The following ARIH1 variants were observed in gnomAD, a reference collection of about 807,000 sequenced individuals.
ARIH1 encodes E3 ubiquitin-protein ligase ARIH1.
ARIH1 carries 8 observed loss-of-function variants against 85.0 expected under a neutral mutation model. That is an observed-to-expected ratio of 0.09 (90% CI 0.06 to 0.17). The LOEUF (loss-of-function observed/expected upper bound fraction) is 0.17. Among genes scored for constraint, ARIH1 ranks in the 10% least tolerant of loss-of-function variants. The pLI, the probability that ARIH1 is intolerant of heterozygous loss-of-function variation, is 1.00. For synonymous variants in ARIH1, 238 were observed against 253.6 expected (o/e 0.94, Z 0.59); for missense variants, 311 against 718.1 (o/e 0.43, Z 6.48).
Position 72,589,471 on chromosome 15 carries a change from T to C in ARIH1, c.*6179T>C, listed in dbSNP as rs1437623025. The stretch of plus-strand genomic sequence containing the variant: ...AAACCATTTTGGACCCCTAAAGTGG[T>C]ATTGTCTACTATCTGTACATCATTC... On this transcript the variant is annotated 3_prime_UTR_variant, in exon 14 of 14. Transcript: ENST00000379887. The C allele has an allele frequency of 6.6e-6, 1 of 152,186 alleles. No homozygotes were observed. Among genetic ancestry groups the C allele is most frequent in the Non-Finnish European group, 1.5e-5 (1 of 68,048 alleles). 9.4% of individuals were successfully genotyped at this position (152,186 alleles called of 1,614,324 possible). A position where few individuals can be genotyped will look rare whatever the true frequency, so the allele number is the denominator to read the frequency against.
intron 2 of ARIH1, among the ~76,000 whole-genome samples, chr15:72,534,297 A>T (rs919815261): frequency 6.8e-6 from 1 of 146,008 alleles, no homozygotes; most frequent in East Asian, 2.0e-4. Flanking sequence ...TGTAATTATT[A>T]AAAAAAAAAA....
At chr15:72,571,805 A>ATAGG (rs1401483040) in intron 10 of ARIH1, among the ~76,000 whole-genome samples, 1 of 152,170 alleles carries the variant, frequency 6.6e-6, no homozygotes, top group African/African-American at 2.4e-5. Context: ...TCTAATAATG[A>ATAGG]TAGGTGAGCT....
rs2063932497 is a variant in ARIH1 at position 72,507,714 on chromosome 15, G to A, written c.376-10353G>A. Reference sequence around the variant, plus strand: ...ATAACAGTCAATTAAGAGCTTATGTGCTACTAAAATTGAGAACTACTTGAT... The same window carrying A: ...ATAACAGTCAATTAAGAGCTTATGTACTACTAAAATTGAGAACTACTTGAT... On this transcript the variant is annotated intron_variant, in intron 1 of 13. Coordinates refer to ENST00000379887, the MANE Select transcript of ARIH1 (RefSeq NM_005744.5). Among the ~76,000 whole-genome samples the A allele has an allele frequency of 3.3e-5, 5 of 152,150 alleles. No individual in the cohort carries two copies. In the South Asian group the frequency reaches 1.0e-3, roughly 32 times the overall value.
At chr15:72,572,225 C>T in intron 11 of ARIH1, 60 bp downstream of exon 11, 1 of 1,032,002 alleles carries the variant, frequency 9.7e-7, no homozygotes, top group Non-Finnish European at 1.5e-6. Context: ...TATTCATATT[C>T]ATTAGAGAAT....
At chr15:72,489,530 T>G (rs2706452) in intron 1 of ARIH1, among the ~76,000 whole-genome samples, 149,653 of 152,284 alleles carry the variant, frequency 0.98, 73,582 homozygotes, top group East Asian at 1. Context: ...CCTAAATGAA[T>G]AAGTAAAAAT....
chr15:72,583,204 A>G lies in ARIH1; in HGVS notation c.1590-4A>G, dbSNP rs1405553882. The G allele has an allele frequency of 3.8e-6, 6 of 1,591,034 alleles. No individual in the cohort carries two copies. Among genetic ancestry groups the G allele is most frequent in the Non-Finnish European group, 5.1e-6 (6 of 1,168,224 alleles). On this transcript the variant is annotated splice_polypyrimidine_tract_variant and splice_region_variant and intron_variant, in intron 13 of 13. Coordinates refer to ENST00000379887, the MANE Select transcript of ARIH1 (RefSeq NM_005744.5). ...AGTTTTTTTTTTTTTCTCTTTGATT[A>G]CAGATACTGTGAGAGTCGACGAAGG...
chr15:72,552,392 A>G (rs935562638), intron 3 of ARIH1, among the ~76,000 whole-genome samples: 1 of 152,006 alleles, frequency 6.6e-6, no homozygotes, highest in African/African-American at 2.4e-5. Context: ...GGTTGAAGGG[A>G]TTCTTCTGCC....
intron 1 of ARIH1, among the ~76,000 whole-genome samples, 198 bp from the exon 2 acceptor site, chr15:72,517,869 C>T (rs984259058): frequency 6.6e-6 from 1 of 152,050 alleles, no homozygotes; most frequent in Non-Finnish European, 1.5e-5. Context: ...AGAAACCTGA[C>T]ATAGTAGTGT....
At position 72,474,673 on chromosome 15, in the gene ARIH1, G is replaced by C; in HGVS notation, c.34G>C (p.Asp12His). The C allele has an allele frequency of 3.8e-6, 6 of 1,565,526 alleles. No homozygotes were observed. Among genetic ancestry groups the C allele is most frequent in the Non-Finnish European group, 4.3e-6 (5 of 1,157,588 alleles). The part of the protein sequence containing the change: ...DSDEGYNYEF[D>H]EDEECSEEDS... The stretch of plus-strand genomic sequence containing the variant: ...GGACGAGGGCTACAACTACGAGTTC[G>C]ACGAGGACGAGGAGTGCAGTGAGGA... The change falls in exon 1 of 14, where the codon GAC becomes CAC. Residue 12 changes from aspartate (D) to histidine (H), a missense_variant. By Grantham distance (81) the Asp-to-His change is moderately conservative. Around this residue, in one of 3 missense-constraint regions of ARIH1, gnomAD observed 157 missense variants for 185.1 expected, o/e 0.85. Transcript: ENST00000379887.
intron 11 of ARIH1, among the ~76,000 whole-genome samples, chr15:72,578,316 ACATCTTCAGTGGTG>A (rs2064280674): frequency 6.6e-6 from 1 of 152,306 alleles, no homozygotes; most frequent in East Asian, 1.9e-4. Context: ...AACAACGATG[ACATCTTCAGTGGTG>A]CTCTCCTTCC....
intron 1 of ARIH1, among the ~76,000 whole-genome samples, chr15:72,483,397 A>C (rs1405003539): frequency 1.3e-5 from 2 of 152,240 alleles, no homozygotes; most frequent in African/African-American, 4.8e-5. Context: ...ACTTAATTTC[A>C]GAAGTAACGT....
Position 72,530,467 on chromosome 15 carries a change from T to C in ARIH1, c.443+12333T>C, listed in dbSNP as rs182382957. ...CTAGCTCCTTAAAGACTGAAGATGA[T>C]CTTCATGTCTTTTGGGTAGTCCAGA... On this transcript the variant is annotated intron_variant, in intron 2 of 13. Coordinates refer to ENST00000379887, the MANE Select transcript of ARIH1 (RefSeq NM_005744.5). Among the ~76,000 whole-genome samples the C allele has an allele frequency of 3.3e-5, 5 of 152,332 alleles. No homozygotes were observed. The East Asian group carries it at 7.7e-4, about 23-fold the overall frequency.
rs1204133837 is a variant in ARIH1, at chr15:72,589,989, A to G, written c.*6697A>G. On this transcript the variant is annotated 3_prime_UTR_variant, in exon 14 of 14. Coordinates refer to ENST00000379887, the MANE Select transcript of ARIH1 (RefSeq NM_005744.5). ...ATCTCAGTCTTATGATGTAGTTACT[A>G]TTTTCATTTTATAAATAAGAAAATA... 3 of 152,032 alleles carry G rather than the reference A, an allele frequency of 2.0e-5. No homozygotes were observed. Among genetic ancestry groups the G allele is most frequent in the African/African-American group, 7.2e-5 (3 of 41,386 alleles). 9.4% of individuals were successfully genotyped at this position (152,032 alleles called of 1,614,324 possible).
At chr15:72,535,691 C>G (rs774043359) in intron 2 of ARIH1, among the ~76,000 whole-genome samples, 13 of 152,080 alleles carry the variant, frequency 8.5e-5, no homozygotes, top group Admixed American at 2.0e-4. Flanking sequence ...TCCACTGTTG[C>G]ATGAATCACA....
At chr15:72,528,533 C>T (rs796519362) in intron 2 of ARIH1, among the ~76,000 whole-genome samples, 1 of 152,126 alleles carries the variant, frequency 6.6e-6, no homozygotes, top group African/African-American at 2.4e-5. Context: ...TATCACTATT[C>T]TACAATACAG....
At chr15:72,521,771 A>G (rs2064001380) in intron 2 of ARIH1, among the ~76,000 whole-genome samples, 1 of 151,192 alleles carries the variant, frequency 6.6e-6, no homozygotes, top group Admixed American at 6.6e-5. Flanking sequence ...CTGGTCTCAA[A>G]CTCCTGACTT....
At chr15:72,476,626 G>A (rs989207791) in intron 1 of ARIH1, among the ~76,000 whole-genome samples, 4 of 152,172 alleles carry the variant, frequency 2.6e-5, no homozygotes, top group African/African-American at 7.2e-5. Context: ...GCCTCCCAAA[G>A]CGCTGGATTA....
chr15:72,486,338 A>G (rs1036494483), intron 1 of ARIH1, among the ~76,000 whole-genome samples: 2 of 152,206 alleles, frequency 1.3e-5, no homozygotes, highest in Non-Finnish European at 1.5e-5. Context: ...CAGGACGTGA[A>G]TCATCCCTTT....
At chr15:72,526,207 T>G (rs1595861510) in intron 2 of ARIH1, among the ~76,000 whole-genome samples, 1 of 152,228 alleles carries the variant, frequency 6.6e-6, no homozygotes, top group Admixed American at 6.5e-5. Flanking sequence ...TAAAACTTTC[T>G]TTTCCTTTGT....
Sources: gnomAD v4.1 joint callset for allele counts (sites outside exome capture counted in the v4.1 genomes callset) on GRCh38, gnomAD v4.1.1 for gene constraint, gnomAD v4.1.1 regional missense constraint, MANE v1.5 for transcripts, NCBI Gene and HGNC (gene_info 2026-07-23, HGNC 2026-07-21) for gene names.